Variants in CRACD observed in about 807,000 individuals in gnomAD.
The protein encoded by CRACD is capping protein-inhibiting regulator of actin dynamics.
In CRACD, 56 loss-of-function variants were observed where a neutral mutation model predicts 106.8. That is an observed-to-expected ratio of 0.52 (90% confidence interval 0.42 to 0.66). The LOEUF is 0.66. CRACD is among the 30% of genes least tolerant of loss of function. CRACD has a pLI of 0.00. For synonymous variants in CRACD, 754 were observed against 670.8 expected, an observed-to-expected ratio of 1.12 and a Z score of -1.92; for missense variants, 1,730 against 1,623.2, an observed-to-expected ratio of 1.07 and a Z score of -1.13.
chr4:56,195,111 C>T (rs1737543207), intron 2 of CRACD, among the ~76,000 whole-genome samples: 2 of 152,050 alleles, frequency 1.3e-5, no homozygotes, highest in Admixed American at 6.6e-5. Context: ...CAGATTAAGA[C>T]TTTGGGATGG....
chr4:56,325,307 C>T (rs1209066906), intron 10 of CRACD, among the ~76,000 whole-genome samples: 2 of 152,156 alleles, frequency 1.3e-5, no homozygotes, highest in African/African-American at 4.8e-5. Flanking sequence ...TGCACTCCAG[C>T]CTGAGCGACA....
At chr4:56,060,501 A>G (rs1732234729) in intron 1 of CRACD, among the ~76,000 whole-genome samples, 1 of 152,040 alleles carries the variant, frequency 6.6e-6, no homozygotes, top group South Asian at 2.1e-4. Flanking sequence ...GTGGAAAGTT[A>G]TTCCAAAGGT....
intron 4 of CRACD, among the ~76,000 whole-genome samples, chr4:56,302,698 C>T (rs1233529438): frequency 6.6e-6 from 1 of 151,964 alleles, no homozygotes; most frequent in Non-Finnish European, 1.5e-5. Flanking sequence ...CTGTAGTTTG[C>T]TCAAAAAGAC....
At chr4:56,054,017 T>C (rs1369174647) in intron 1 of CRACD, among the ~76,000 whole-genome samples, 1 of 152,184 alleles carries the variant, frequency 6.6e-6, no homozygotes, top group Non-Finnish European at 1.5e-5. Flanking sequence ...TTTATGCGTA[T>C]TTATTAATTC....
At chr4:56,110,215 G>A (rs559242605) in intron 1 of CRACD, among the ~76,000 whole-genome samples, 44 of 152,284 alleles carry the variant, frequency 2.9e-4, no homozygotes, top group African/African-American at 9.4e-4. Flanking sequence ...AGAAAATGGA[G>A]CAGTGCCTTC....
At chr4:56,090,067 A>T (rs1451330474) in intron 1 of CRACD, among the ~76,000 whole-genome samples, 11 of 152,108 alleles carry the variant, frequency 7.2e-5, no homozygotes, top group Non-Finnish European at 1.3e-4. Flanking sequence ...TGAGGGGATA[A>T]CAGTGGAGAG....
intron 1 of CRACD, among the ~76,000 whole-genome samples, chr4:56,074,950 G>T (rs555295901): frequency 1.3e-5 from 2 of 152,232 alleles, no homozygotes; most frequent in South Asian, 4.2e-4. Flanking sequence ...CAATCATGTG[G>T]TTTTTGTGAT....
chr4:56,261,234 C>A (rs1402699432), intron 2 of CRACD, among the ~76,000 whole-genome samples: 1 of 152,092 alleles, frequency 6.6e-6, no homozygotes, highest in Admixed American at 6.6e-5. Flanking sequence ...GAAACTCAAG[C>A]GGTGGCGGAA....
At chr4:56,210,468 A>G (rs1482605383) in intron 2 of CRACD, among the ~76,000 whole-genome samples, 34 of 152,196 alleles carry the variant, frequency 2.2e-4, no homozygotes, top group Admixed American at 2.2e-3. Flanking sequence ...GTTTCTTCCC[A>G]CTGTCAATCT....
At chr4:56,120,180 A>C (rs1241025792) in intron 1 of CRACD, among the ~76,000 whole-genome samples, 2 of 152,160 alleles carry the variant, frequency 1.3e-5, no homozygotes, top group Non-Finnish European at 2.9e-5. Flanking sequence ...CAAGACAAGG[A>C]GGTTGGGAGC....
At chr4:56,233,689 C>G (rs1210861732) in intron 2 of CRACD, among the ~76,000 whole-genome samples, 1 of 152,136 alleles carries the variant, frequency 6.6e-6, no homozygotes, top group Non-Finnish European at 1.5e-5. Context: ...ACTTTAGATA[C>G]TTCGCAGTTT....
chr4:56,307,505 T>C (rs749365916), intron 4 of CRACD, 30 bp from the exon 5 acceptor site: 12 of 1,612,030 alleles, frequency 7.4e-6, no homozygotes, highest in Non-Finnish European at 1.0e-5. Context: ...CTTCACTGCT[T>C]CAGAATGTCT....
At position 56,306,268 on chromosome 4, in the gene CRACD, C is replaced by T. The variant is rs183463261; in HGVS notation, c.121-1267C>T. Reference sequence around the variant, plus strand: ...CAGCACTTTGGGAGGCCGAGGTGGGCGGATTGCTTGAGACCAGGAGTTTGA... The same window carrying T: ...CAGCACTTTGGGAGGCCGAGGTGGGTGGATTGCTTGAGACCAGGAGTTTGA... On this transcript the variant is annotated intron_variant, in intron 4 of 10. Coordinates refer to ENST00000682029, the MANE Select transcript of CRACD (RefSeq NM_001393381.1). 2.0e-3 allele frequency among the ~76,000 whole-genome samples: 303 copies of T among 152,036 alleles called. 2 individuals are homozygous for T. Among genetic ancestry groups the T allele is most frequent in the Middle Eastern group, 0.017 (5 of 294 alleles).
chr4:56,262,463 G>A (rs566499437), intron 2 of CRACD, among the ~76,000 whole-genome samples: 11 of 152,314 alleles, frequency 7.2e-5, no homozygotes, highest in African/African-American at 1.7e-4. Flanking sequence ...TTTGAGTGCA[G>A]CCAGCCCCAC....
At chr4:56,220,514 G>T (rs1738973715) in intron 2 of CRACD, among the ~76,000 whole-genome samples, 1 of 152,194 alleles carries the variant, frequency 6.6e-6, no homozygotes, top group Admixed American at 6.5e-5. Flanking sequence ...CTGTTGGTGT[G>T]CTGTGTGACT....
At position 56,328,307 on chromosome 4, in the gene CRACD, C is replaced by G. The variant is rs1339707711; in HGVS notation, c.*503C>G. The G allele has an allele frequency of 5.8e-6, 3 of 518,554 alleles. No homozygotes were observed. The highest frequency in any genetic ancestry group is 1.2e-5 in the Non-Finnish European group (3 of 259,702). The allele number at this position is 518,554 out of a possible 1,614,324, so 32.1% of individuals were successfully genotyped here. A position where few individuals can be genotyped will look rare whatever the true frequency, so the allele number is the denominator to read the frequency against. ...GCAAGAACACCCATTCTCCTGAATG[C>G]AGTGAGTAATTGGGAATCACAAGGA... On this transcript the variant is annotated 3_prime_UTR_variant, in exon 11 of 11. Coordinates refer to ENST00000682029, the MANE Select transcript of CRACD (RefSeq NM_001393381.1).
chr4:56,321,141 T>C, intron 8 of CRACD: 1 of 215,720 alleles, frequency 4.6e-6, no homozygotes, highest in Non-Finnish European at 9.8e-6. Flanking sequence ...ATTGGTAGAT[T>C]TCTGCTGGTC....
intron 1 of CRACD, among the ~76,000 whole-genome samples, chr4:56,168,877 T>G (rs1736250443): frequency 6.6e-6 from 1 of 151,954 alleles, no homozygotes; most frequent in Admixed American, 6.6e-5. Flanking sequence ...TATGGATGAG[T>G]AGGTGAATGG....
At chr4:56,326,210 C>A (rs1221742210) in intron 10 of CRACD, among the ~76,000 whole-genome samples, 1 of 152,200 alleles carries the variant, frequency 6.6e-6, no homozygotes, top group Non-Finnish European at 1.5e-5. Context: ...CCATGCCTGG[C>A]CCAAAGCTTT....
Sources: gnomAD v4.1 joint callset for allele counts (sites outside exome capture counted in the v4.1 genomes callset) on GRCh38, gnomAD v4.1.1 for gene constraint, MANE v1.5 for transcripts, NCBI Gene and HGNC (gene_info 2026-07-23, HGNC 2026-07-21) for gene names.